Variants in CCNB3 observed in about 807,000 individuals in gnomAD.
The protein encoded by CCNB3 is G2/mitotic-specific cyclin-B3.
CCNB3 carries 12 observed loss-of-function variants against 68.0 expected under a neutral mutation model. The ratio of observed to expected loss-of-function variants is 0.18; its 90% CI spans 0.11 to 0.29. The LOEUF (loss-of-function observed/expected upper bound fraction) is 0.29. Ranked by LOEUF, CCNB3 falls within the 10% of genes least tolerant of loss-of-function variation. The pLI is 1.00. For synonymous variants in CCNB3, 354 were observed against 388.9 expected (o/e 0.91, Z 1.06); for missense variants, 904 against 993.1 (o/e 0.91, Z 1.21).
chrX:50,313,437 G>A (rs1390059195), intron 7 of CCNB3, among the ~76,000 whole-genome samples: 1 of 112,051 alleles, frequency 8.9e-6, no homozygotes, highest in East Asian at 2.8e-4. Flanking sequence ...TAGAAATGCA[G>A]AAACCTAGCC....
chrX:50,344,153 T>C (rs1557219978), intron 9 of CCNB3, among the ~76,000 whole-genome samples: 1 of 112,697 alleles, frequency 8.9e-6, no homozygotes, highest in East Asian at 2.8e-4. Context: ...TAGAGTCACA[T>C]GTGCATAGGT....
intron 3 of CCNB3, among the ~76,000 whole-genome samples, chrX:50,287,332 C>T (rs186657466): frequency 4.5e-3 from 502 of 110,983 alleles, no homozygotes; most frequent in Middle Eastern, 0.019. Context: ...AATATTCATC[C>T]CCCTTCCCTT....
intron 4 of CCNB3, among the ~76,000 whole-genome samples, chrX:50,293,511 T>C (rs1341477398): frequency 3.6e-5 from 4 of 111,451 alleles, no homozygotes; most frequent in Non-Finnish European, 7.5e-5. Flanking sequence ...TTAGTATATG[T>C]ACACACATAT....
At chrX:50,210,002 A>G (rs1935457969) in intron 1 of CCNB3, among the ~76,000 whole-genome samples, 1 of 111,958 alleles carries the variant, frequency 8.9e-6, no homozygotes. Flanking sequence ...CTACTAAAAA[A>G]TTTCTCATCC....
At position 50,340,279 on chromosome X, in the gene CCNB3, A is replaced by T. The variant is rs138126953; in HGVS notation, c.3517-1923A>T. Among the ~76,000 whole-genome samples the T allele has an allele frequency of 1.3e-4, 14 of 111,945 alleles. No homozygotes were observed. The East Asian group carries it at 3.9e-3, about 31-fold the overall frequency. On this transcript the variant is annotated intron_variant, in intron 8 of 12. Coordinates refer to ENST00000376042, the MANE Select transcript of CCNB3 (RefSeq NM_033031.3). ...TACAGGGAGGGTAATGTCACTCAAT[A>T]TAAGGGAGAATTTTCTGTTAAAGCC...
intron 1 of CCNB3, among the ~76,000 whole-genome samples, chrX:50,213,367 A>G (rs1935513596): frequency 8.9e-6 from 1 of 112,090 alleles, no homozygotes; most frequent in Admixed American, 9.5e-5. Flanking sequence ...TGGTCATGGT[A>G]TATATTAAAT....
At chrX:50,335,697 T>C (rs1223763827) in intron 8 of CCNB3, among the ~76,000 whole-genome samples, 5 of 111,547 alleles carry the variant, frequency 4.5e-5, no homozygotes, top group African/African-American at 1.6e-4. Context: ...CTAGAGCTGG[T>C]TTTATCTCTT....
intron 8 of CCNB3, among the ~76,000 whole-genome samples, chrX:50,340,527 T>C (rs1367485836): frequency 8.9e-6 from 1 of 112,314 alleles, no homozygotes; most frequent in Non-Finnish European, 1.9e-5. Flanking sequence ...CTACACAAGG[T>C]CTCTAGCCAA....
chrX:50,335,339 C>T, intron 8 of CCNB3, among the ~76,000 whole-genome samples: 1 of 111,881 alleles, frequency 8.9e-6, no homozygotes. Context: ...CAGCTGTCCT[C>T]AGCCTGCAGC....
chrX:50,282,399 A>G (rs1374188986), intron 1 of CCNB3, among the ~76,000 whole-genome samples: 1 of 111,751 alleles, frequency 8.9e-6, no homozygotes, highest in East Asian at 2.8e-4. Context: ...AGTTGCTACT[A>G]CTTCCTGTAG....
chrX:50,297,746 A>T (rs1277019425), intron 5 of CCNB3, among the ~76,000 whole-genome samples: 4 of 111,397 alleles, frequency 3.6e-5, no homozygotes, highest in African/African-American at 1.3e-4. Flanking sequence ...CACAATATTG[A>T]TTCTTCCTAC....
At chrX:50,297,342 A>G (rs2147040022) in intron 5 of CCNB3, among the ~76,000 whole-genome samples, 1 of 111,718 alleles carries the variant, frequency 9.0e-6, no homozygotes, top group African/African-American at 3.2e-5. Context: ...TCAGCTTTCT[A>G]CATATGGCTA....
chrX:50,305,577 G>A (rs1032071053), intron 5 of CCNB3, among the ~76,000 whole-genome samples: 2 of 109,445 alleles, frequency 1.8e-5, no homozygotes, highest in Non-Finnish European at 3.8e-5. Flanking sequence ...AATGGGTGCA[G>A]CACACCAACA....
intron 5 of CCNB3, among the ~76,000 whole-genome samples, chrX:50,299,129 G>A (rs1458748165): frequency 9.0e-6 from 1 of 111,092 alleles, no homozygotes; most frequent in Non-Finnish European, 1.9e-5. Context: ...TGTCTCTATT[G>A]CCTTCATTTC....
chrX:50,346,361 G>A (rs1278845603), intron 9 of CCNB3, among the ~76,000 whole-genome samples: 1 of 112,090 alleles, frequency 8.9e-6, no homozygotes, highest in Admixed American at 9.4e-5. Flanking sequence ...GCTGCTCCTA[G>A]GCCCTGTGCC....
chrX:50,341,985 A>G (rs1213578902), intron 8 of CCNB3: 2 of 358,007 alleles, frequency 5.6e-6, no homozygotes, highest in South Asian at 4.8e-5. Flanking sequence ...AGGCTGGTCA[A>G]CTACCCAAAT....
At chrX:50,347,129 G>A (rs1923443808) in intron 10 of CCNB3, among the ~76,000 whole-genome samples, 1 of 111,668 alleles carries the variant, frequency 9.0e-6, no homozygotes, top group Admixed American at 9.5e-5. Context: ...CTCATTCTTT[G>A]CCTGAGTATT....
chrX:50,295,059 C>T (rs782478097), intron 5 of CCNB3, 66 bp downstream of exon 5: 7 of 1,068,480 alleles, frequency 6.6e-6, no homozygotes, highest in Non-Finnish European at 8.9e-6. Context: ...CTTTTGTCCC[C>T]ATTGAGAACA....
At chrX:50,226,340 A>G (rs1179008607) in intron 1 of CCNB3, among the ~76,000 whole-genome samples, 19 of 69,111 alleles carry the variant, frequency 2.7e-4, no homozygotes, top group African/African-American at 9.6e-4. Flanking sequence ...ATATATATAT[A>G]GAATATATAT....
Sources: allele counts gnomAD v4.1 joint callset (sites outside exome capture counted in the v4.1 genomes callset), GRCh38; gene constraint gnomAD v4.1.1; transcripts MANE v1.5; gene names NCBI Gene and HGNC (gene_info 2026-07-23, HGNC 2026-07-21).